The following WDFY4 variants were observed in gnomAD, a reference collection of about 807,000 sequenced individuals.
WDFY4 encodes WDFY family member 4.
In WDFY4, 169 loss-of-function variants were observed where a neutral mutation model predicts 351.9. The ratio of observed to expected loss-of-function variants is 0.48; its 90% CI spans 0.42 to 0.55. The LOEUF is 0.55. WDFY4 is among the 20% of genes least tolerant of loss of function. The probability of loss-of-function intolerance (pLI) is 0.00; values close to 1 mark genes in which losing one functional copy is unlikely to be tolerated. For synonymous variants in WDFY4, 1,622 were observed against 1,574.6 expected, an observed-to-expected ratio of 1.03 and a Z score of -0.71; for missense variants, 3,803 against 3,935.6, an observed-to-expected ratio of 0.97 and a Z score of 0.90.
At position 48,910,227 on chromosome 10, in the gene WDFY4, C is replaced by T. The variant is rs1448780137; in HGVS notation, c.7586+8364C>T. On this transcript the variant is annotated intron_variant, in intron 47 of 61. Coordinates refer to ENST00000325239, the MANE Select transcript of WDFY4 (RefSeq NM_001394531.1). ...AGCTGAGTAGTCTTCAAGATTTTGC[C>T]ACAGCTACTCTAGGAAGATGTCAAG... 4.4e-6 allele frequency: 7 copies of T among 1,604,742 alleles called. No individual in the cohort carries two copies. The East Asian group carries it at 1.1e-4, about 26-fold the overall frequency.
chr10:48,981,241 A>G (rs912805834), intron 60 of WDFY4, 126 bp from the exon 61 acceptor site: 12 of 776,044 alleles, frequency 1.5e-5, no homozygotes, highest in South Asian at 5.4e-5. Context: ...TTCCCCCTCA[A>G]TTTAACAAGT....
chr10:48,804,581 AAGAC>A (rs2067192904), intron 25 of WDFY4, among the ~76,000 whole-genome samples: 5 of 148,206 alleles, frequency 3.4e-5, no homozygotes, highest in African/African-American at 2.5e-5. Context: ...AAAAAAAAAA[AAGAC>A]AGTTCAAAGT....
chr10:48,908,497 C>G (rs947493753), intron 47 of WDFY4, among the ~76,000 whole-genome samples: 1 of 152,212 alleles, frequency 6.6e-6, no homozygotes, highest in South Asian at 2.1e-4. Flanking sequence ...TTGCCTTACT[C>G]TGTGCCTCAA....
intron 23 of WDFY4, among the ~76,000 whole-genome samples, chr10:48,791,332 A>G (rs1231784149): frequency 6.6e-6 from 1 of 152,236 alleles, no homozygotes; most frequent in South Asian, 2.1e-4. Context: ...CCTGTAAGAT[A>G]TGGACTGTAA....
chr10:48,981,290 G>A (rs546808273), intron 60 of WDFY4, 77 bp from the exon 61 acceptor site: 182 of 1,201,518 alleles, frequency 1.5e-4, no homozygotes, highest in Non-Finnish European at 2.0e-4. Flanking sequence ...ATGTGTTTGC[G>A]GCCCCGTGTG....
chr10:48,790,105 G>A (rs2066629608), intron 22 of WDFY4, 120 bp downstream of exon 22: 3 of 957,026 alleles, frequency 3.1e-6, no homozygotes, highest in African/African-American at 1.6e-5. Flanking sequence ...AACCAGGGTC[G>A]GGAGGACCAG....
chr10:48,975,222 C>A lies in WDFY4; in HGVS notation c.9108+181C>A, dbSNP rs1842515498. On this transcript the variant is annotated intron_variant, in intron 58 of 61. Transcript: ENST00000325239. ...TAGCACCCAGGTCTAGCTTCAATGT[C>A]CGCTTCTTTACTTTCCTCCCTCTGG... 8 of 788,368 alleles carry A rather than the reference C, an allele frequency of 1.0e-5. No individual in the cohort carries two copies. The South Asian group carries it at 1.3e-4, about 13-fold the overall frequency. 48.8% of individuals were successfully genotyped at this position (788,368 alleles called of 1,614,324 possible).
chr10:48,931,943 G>A (rs1264740998), intron 47 of WDFY4, among the ~76,000 whole-genome samples: 1 of 152,230 alleles, frequency 6.6e-6, no homozygotes, highest in Non-Finnish European at 1.5e-5. Flanking sequence ...CCACCCACAT[G>A]TTAGTCATGC....
chr10:48,883,000 T>C (rs2671712), intron 43 of WDFY4, among the ~76,000 whole-genome samples: 93,572 of 152,072 alleles, frequency 0.62, 29,197 homozygotes, highest in Non-Finnish European at 0.66. Flanking sequence ...GTGTTTTCGT[T>C]CCCTCTCTAC....
At chr10:48,968,838 ACTCCTGCC>A in intron 55 of WDFY4, 1 of 530,386 alleles carries the variant, frequency 1.9e-6, no homozygotes, top group Non-Finnish European at 3.4e-6. Context: ...CCTCCCTGTG[ACTCCTGCC>A]CCGGGGCCCG....
chr10:48,822,179 G>A (rs1275217565), intron 34 of WDFY4, among the ~76,000 whole-genome samples: 4 of 152,180 alleles, frequency 2.6e-5, no homozygotes, highest in East Asian at 1.9e-4. Flanking sequence ...GGTTTATGTC[G>A]CTGACCAGAT....
At chr10:48,933,702 A>T (rs1451142523) in intron 47 of WDFY4, among the ~76,000 whole-genome samples, 1 of 152,152 alleles carries the variant, frequency 6.6e-6, no homozygotes, top group Non-Finnish European at 1.5e-5. Context: ...AGAAACTGAA[A>T]AATTGGCAGT....
intron 11 of WDFY4, among the ~76,000 whole-genome samples, chr10:48,739,758 C>A (rs532245921): frequency 1.3e-5 from 2 of 152,272 alleles, no homozygotes; most frequent in Non-Finnish European, 2.9e-5. Flanking sequence ...TCCTCTCCCT[C>A]CCAAGAGGAG....
chr10:48,831,394 TAGTCAATGCAACTGCA>T (rs2068184069), intron 38 of WDFY4, among the ~76,000 whole-genome samples: 1 of 152,252 alleles, frequency 6.6e-6, no homozygotes, highest in Admixed American at 6.5e-5. Context: ...TTTTGCATAT[TAGTCAATGCAACTGCA>T]AGAATGAATT....
At chr10:48,829,283 C>A (rs2068109980) in intron 37 of WDFY4, among the ~76,000 whole-genome samples, 1 of 152,142 alleles carries the variant, frequency 6.6e-6, no homozygotes, top group Non-Finnish European at 1.5e-5. Flanking sequence ...CAAGCCATTA[C>A]CTAGTTGCTG....
chr10:48,854,115 T>C (rs2069052217), intron 39 of WDFY4, among the ~76,000 whole-genome samples: 1 of 48,578 alleles, frequency 2.1e-5, no homozygotes, highest in African/African-American at 1.6e-4. Flanking sequence ...GTCTAAGTCA[T>C]TTTTTTTTTT....
At chr10:48,948,937 A>G (rs1307685070) in intron 51 of WDFY4, among the ~76,000 whole-genome samples, 3 of 152,256 alleles carry the variant, frequency 2.0e-5, no homozygotes, top group South Asian at 2.1e-4. Flanking sequence ...TTGTGAACCA[A>G]CGGGATATCT....
intron 47 of WDFY4, among the ~76,000 whole-genome samples, chr10:48,915,049 A>G (rs1214566437): frequency 6.6e-6 from 1 of 152,170 alleles, no homozygotes; most frequent in Non-Finnish European, 1.5e-5. Context: ...TGGCTTCTGC[A>G]TGCTTGGCTT....
intron 2 of WDFY4, among the ~76,000 whole-genome samples, chr10:48,713,548 C>T (rs1291966101): frequency 1.3e-5 from 2 of 152,188 alleles, no homozygotes; most frequent in African/African-American, 2.4e-5. Flanking sequence ...GGGGTGCTAA[C>T]CCAGTCAACA....
Sources: gnomAD v4.1 joint callset for allele counts (sites outside exome capture counted in the v4.1 genomes callset) on GRCh38, gnomAD v4.1.1 for gene constraint, MANE v1.5 for transcripts, NCBI Gene and HGNC (gene_info 2026-07-23, HGNC 2026-07-21) for gene names.